Variants in MATN2 observed in about 807,000 individuals in gnomAD.
MATN2 encodes the protein matrilin-2.
A neutral mutation model predicts 103.2 loss-of-function variants in MATN2; 69 were observed. The ratio of observed to expected loss-of-function variants is 0.67; its 90% CI spans 0.55 to 0.82. The LOEUF is 0.82. Ranked by LOEUF, MATN2 falls within the 40% of genes least tolerant of loss-of-function variation. The pLI, the probability that MATN2 is intolerant of heterozygous loss-of-function variation, is 0.00. For missense variants in MATN2, 1,023 were observed against 1,211.5 expected, an observed-to-expected ratio of 0.84 and a Z score of 2.31; for synonymous variants, 429 against 450.2, an observed-to-expected ratio of 0.95 and a Z score of 0.60.
chr8:98,028,098 A>G (rs763578804), intron 14 of MATN2, among the ~76,000 whole-genome samples: 6 of 152,196 alleles, frequency 3.9e-5, no homozygotes, highest in Non-Finnish European at 8.8e-5. Flanking sequence ...GTGATTTACT[A>G]GCCAGTGTGT....
At chr8:98,004,557 G>A (rs535284856) in intron 8 of MATN2, among the ~76,000 whole-genome samples, 1 of 152,308 alleles carries the variant, frequency 6.6e-6, no homozygotes, top group Non-Finnish European at 1.5e-5. Context: ...GGGAGAAATA[G>A]GAGCCATTTT....
At chr8:97,903,411 A>G (rs953244996) in intron 2 of MATN2, among the ~76,000 whole-genome samples, 1 of 152,200 alleles carries the variant, frequency 6.6e-6, no homozygotes, top group African/African-American at 2.4e-5. Flanking sequence ...AGACATTGGA[A>G]GGGTAACAGT....
At chr8:97,978,707 T>C (rs538435245) in intron 5 of MATN2, among the ~76,000 whole-genome samples, 179 bp from the exon 6 acceptor site, 1 of 152,338 alleles carries the variant, frequency 6.6e-6, no homozygotes, top group African/African-American at 2.4e-5. Context: ...TTGCCTGATA[T>C]AGACTCCTGA....
In MATN2 at chr8:97,931,606, T is replaced by C; in HGVS notation, c.712+84T>C. On this transcript the variant is annotated intron_variant, in intron 3 of 18. Transcript: ENST00000254898. The surrounding 1 kb of genome is among the most constrained non-coding windows in gnomAD (Gnocchi z 4.1). Reference sequence around the variant, plus strand: ...TTCAAGTGTTCATTCTGTGTTACTATGTCCCAGGTACTGTGCTGGCAATAG... The same window carrying C: ...TTCAAGTGTTCATTCTGTGTTACTACGTCCCAGGTACTGTGCTGGCAATAG... The C allele has an allele frequency of 7.6e-7, 1 of 1,315,608 alleles. No individual in the cohort carries two copies. The allele number at this position is 1,315,608 out of a possible 1,614,324, so 81.5% of individuals were successfully genotyped here.
At chr8:97,981,435 A>G (rs983666145) in intron 6 of MATN2, among the ~76,000 whole-genome samples, 1 of 107,496 alleles carries the variant, frequency 9.3e-6, no homozygotes, top group African/African-American at 8.1e-5. Flanking sequence ...TGAGTATTTA[A>G]CTGTGCATAT....
At chr8:97,957,001 A>G (rs911856939) in intron 4 of MATN2, among the ~76,000 whole-genome samples, 21 of 152,234 alleles carry the variant, frequency 1.4e-4, no homozygotes, top group African/African-American at 5.1e-4. Flanking sequence ...TGGAGAGTCA[A>G]AACTGACCCT....
intron 5 of MATN2, 117 bp from the exon 6 acceptor site, chr8:97,978,769 T>A: frequency 2.0e-6 from 2 of 1,013,674 alleles, no homozygotes; most frequent in South Asian, 1.4e-5. Flanking sequence ...TATCCTACTC[T>A]TTTGGGGGGC....
At chr8:98,028,745 C>G (rs1813904097) in intron 14 of MATN2, among the ~76,000 whole-genome samples, 1 of 152,102 alleles carries the variant, frequency 6.6e-6, no homozygotes, top group Admixed American at 6.5e-5. Context: ...CGCCACCACG[C>G]CCAGCTAATT....
intron 12 of MATN2, among the ~76,000 whole-genome samples, chr8:98,020,804 C>G (rs914722630): frequency 6.6e-6 from 1 of 152,200 alleles, no homozygotes; most frequent in Admixed American, 6.5e-5. Flanking sequence ...CCCTGTCTTC[C>G]TTGTCTCACA....
intron 13 of MATN2, 132 bp downstream of exon 13, chr8:98,021,459 T>C (rs2130429209): frequency 2.0e-6 from 2 of 1,019,814 alleles, no homozygotes; most frequent in Middle Eastern, 2.2e-4. Flanking sequence ...AAATACAGAA[T>C]GGGGAAGAGA....
chr8:98,010,983 TTG>T (rs1178451308), intron 10 of MATN2, among the ~76,000 whole-genome samples: 4 of 152,204 alleles, frequency 2.6e-5, no homozygotes, highest in African/African-American at 9.7e-5. Context: ...AGACTGAATG[TTG>T]TTTCTTAACC....
intron 2 of MATN2, among the ~76,000 whole-genome samples, chr8:97,923,097 T>C (rs1809869130): frequency 6.6e-6 from 1 of 152,086 alleles, no homozygotes. Flanking sequence ...GTCTGTTCCA[T>C]CTAGGAATAA....
At chr8:97,905,830 T>C (rs370909406) in intron 2 of MATN2, among the ~76,000 whole-genome samples, 1 of 152,104 alleles carries the variant, frequency 6.6e-6, no homozygotes, top group East Asian at 1.9e-4. Context: ...TGGCTAATTT[T>C]TTGTATTTTA....
chr8:97,889,481 ATATATAT>A lies in MATN2; in HGVS notation c.142+1240_142+1246del, dbSNP rs769931143. On this transcript the variant is annotated intron_variant, in intron 2 of 18. Transcript: ENST00000254898. ...TGTCTATATATATATATATATATAT[ATATATAT>A]AAAACTGATGATGCACACAATCTTG... 4.3e-4 allele frequency among the ~76,000 whole-genome samples: 61 copies of A among 142,612 alleles called. 1 individual carries two copies. The highest frequency in any genetic ancestry group is 7.1e-3 in the Middle Eastern group (2 of 280). The allele number at this position is 142,612 out of a possible 152,430, so 93.6% of individuals were successfully genotyped here. A position where few individuals can be genotyped will look rare whatever the true frequency, so the allele number is the denominator to read the frequency against.
chr8:97,968,340 C>G (rs1811549060), intron 5 of MATN2, among the ~76,000 whole-genome samples: 2 of 152,264 alleles, frequency 1.3e-5, no homozygotes, highest in African/African-American at 4.8e-5. Context: ...ACTAATCTCT[C>G]TAGCAAGTGG....
intron 8 of MATN2, among the ~76,000 whole-genome samples, chr8:98,006,280 C>G (rs941481292): frequency 6.6e-6 from 1 of 152,192 alleles, no homozygotes; most frequent in African/African-American, 2.4e-5. Flanking sequence ...AGAATGACAA[C>G]TCTTTTTCAT....
chr8:97,995,562 A>C (rs1382086011), intron 7 of MATN2, among the ~76,000 whole-genome samples: 1 of 152,004 alleles, frequency 6.6e-6, no homozygotes, highest in Non-Finnish European at 1.5e-5. Context: ...GAGGGATGTA[A>C]TTTTCTGTAT....
At chr8:98,028,150 C>T (rs1056586546) in intron 14 of MATN2, among the ~76,000 whole-genome samples, 4 of 152,134 alleles carry the variant, frequency 2.6e-5, no homozygotes, top group African/African-American at 9.7e-5. Flanking sequence ...ACAATAGTTC[C>T]GAAACACTGG....
chr8:97,922,489 C>T (rs1563668937), intron 2 of MATN2, among the ~76,000 whole-genome samples: 1 of 152,118 alleles, frequency 6.6e-6, no homozygotes, highest in South Asian at 2.1e-4. Context: ...TTTTTTCAGA[C>T]GTGGGTAAAA....
Sources: allele counts gnomAD v4.1 joint callset (sites outside exome capture counted in the v4.1 genomes callset), GRCh38; gene constraint gnomAD v4.1.1; non-coding constraint Gnocchi (gnomAD v3.1); transcripts MANE v1.5; gene names NCBI Gene and HGNC (gene_info 2026-07-23, HGNC 2026-07-21).